ATP2B4: variants seen among roughly 807,000 people sequenced by gnomAD.
ATP2B4 encodes plasma membrane calcium-transporting ATPase 4.
In ATP2B4, 39 loss-of-function variants were observed where a neutral mutation model predicts 110.3. The ratio of observed to expected loss-of-function variants is 0.35; its 90% CI spans 0.27 to 0.46. The LOEUF (loss-of-function observed/expected upper bound fraction) is 0.46, where lower values mean the gene tolerates loss of function less well. Among genes scored for constraint, ATP2B4 ranks in the 20% least tolerant of loss-of-function variants. ATP2B4 has a pLI of 1.00. For synonymous variants in ATP2B4, 538 were observed against 571.7 expected, an observed-to-expected ratio of 0.94 and a Z score of 0.84; for missense variants, 1,135 against 1,530.9, an observed-to-expected ratio of 0.74 and a Z score of 4.32.
chr1:203,701,863 G>A (rs987377805), intron 6 of ATP2B4, among the ~76,000 whole-genome samples, 181 bp from the exon 7 acceptor site: 7 of 152,182 alleles, frequency 4.6e-5, no homozygotes, highest in African/African-American at 1.7e-4. Context: ...GAGGATTCAT[G>A]ACAGCCTCTA....
chr1:203,693,341 G>T (rs1665440448), intron 2 of ATP2B4, among the ~76,000 whole-genome samples: 1 of 152,166 alleles, frequency 6.6e-6, no homozygotes, highest in Non-Finnish European at 1.5e-5. Flanking sequence ...GATTCCCAAG[G>T]CTACTACAGC....
chr1:203,666,696 A>G (rs1664514640), intron 1 of ATP2B4, among the ~76,000 whole-genome samples: 1 of 152,090 alleles, frequency 6.6e-6, no homozygotes, highest in Non-Finnish European at 1.5e-5. Context: ...TTGAACTCTC[A>G]AGACTGTCCA....
At chr1:203,689,373 G>A (rs1221291046) in intron 2 of ATP2B4, among the ~76,000 whole-genome samples, 2 of 152,214 alleles carry the variant, frequency 1.3e-5, no homozygotes, top group Non-Finnish European at 2.9e-5. Context: ...TCCTTTTTAG[G>A]AGGAAGAATG....
chr1:203,702,205 C>T, intron 7 of ATP2B4, 126 bp downstream of exon 7: 2 of 1,256,944 alleles, frequency 1.6e-6, no homozygotes, highest in Non-Finnish European at 2.2e-6. Context: ...GCTCAGATGC[C>T]TCATCCTGAG....
intron 2 of ATP2B4, among the ~76,000 whole-genome samples, chr1:203,690,888 C>T (rs551115202): frequency 3.3e-5 from 5 of 152,302 alleles, no homozygotes; most frequent in African/African-American, 1.2e-4. Context: ...CCCTCTGCCC[C>T]TCCCCATCCC....
At chr1:203,712,200 T>A in intron 13 of ATP2B4, 61 bp downstream of exon 13, 1 of 1,563,518 alleles carries the variant, frequency 6.4e-7, no homozygotes, top group Non-Finnish European at 8.7e-7. Flanking sequence ...GGTTCTAGCA[T>A]AAGGCATCTG....
At chr1:203,668,318 C>T (rs1448545275) in intron 1 of ATP2B4, among the ~76,000 whole-genome samples, 1 of 152,122 alleles carries the variant, frequency 6.6e-6, no homozygotes, top group Non-Finnish European at 1.5e-5. Context: ...TCTGTCTAGT[C>T]TTCTGCCTCC....
intron 13 of ATP2B4, 23 bp from the exon 14 acceptor site, chr1:203,713,142 C>G (rs200938746): frequency 6.2e-7 from 1 of 1,613,500 alleles, no homozygotes. Context: ...TTGACTGATC[C>G]AGGTGTGGTC....
intron 1 of ATP2B4, among the ~76,000 whole-genome samples, chr1:203,653,985 A>ATATATTT (rs1426863910): frequency 8.9e-6 from 1 of 112,442 alleles, no homozygotes; most frequent in African/African-American, 3.9e-5. Flanking sequence ...ATATATATAT[A>ATATATTT]TTTTTTTTTT....
At chr1:203,673,433 A>T (rs1224477641) in intron 1 of ATP2B4, among the ~76,000 whole-genome samples, 1 of 152,224 alleles carries the variant, frequency 6.6e-6, no homozygotes, top group Non-Finnish European at 1.5e-5. Context: ...AACAAGGAAG[A>T]ATAAAACAGG....
chr1:203,713,273 G>C, intron 14 of ATP2B4, 21 bp downstream of exon 14: 1 of 1,613,916 alleles, frequency 6.2e-7, no homozygotes, highest in Non-Finnish European at 8.5e-7. Flanking sequence ...CTTCCAAATA[G>C]GTGCCTGCAA....
rs1351196698 is a variant in ATP2B4, at chr1:203,698,296, T to A, written c.333T>A (p.Ile111=). 1 of 1,614,156 alleles carries A rather than the reference T, an allele frequency of 6.2e-7. No homozygotes were observed. The highest frequency in any genetic ancestry group is 2.2e-5 in the East Asian group (1 of 44,880). ...LQDVTLIILE[I]AAIISLVLSF... ...ATGTCACGCTTATCATCCTGGAGAT[T>A]GCAGCCATCATCTCCCTGGTCCTGT... Residue 111 remains isoleucine, a synonymous_variant, in exon 3 of 21, where the codon ATT becomes ATA. Coordinates refer to ENST00000357681, the MANE Select transcript of ATP2B4 (RefSeq NM_001684.5).
At chr1:203,665,268 A>G (rs1438056507) in intron 1 of ATP2B4, among the ~76,000 whole-genome samples, 1 of 152,252 alleles carries the variant, frequency 6.6e-6, no homozygotes, top group African/African-American at 2.4e-5. Context: ...TGTATGTAGC[A>G]GCTCTGAAAA....
At position 203,721,226 on chromosome 1, in the gene ATP2B4, G is replaced by A; in HGVS notation, c.2628G>A (p.Leu876=). 1.2e-6 allele frequency: 2 copies of A among 1,614,214 alleles called. No homozygotes were observed. Among genetic ancestry groups the A allele is most frequent in the South Asian group, 2.2e-5 (2 of 91,084 alleles). ...CCCCATTGAAAGCTGTGCAGATGTT[G>A]TGGGTTAATCTGATCATGGACACTT... The part of the protein sequence containing the change: ...QDSPLKAVQM[L]WVNLIMDTFA... The change falls in exon 17 of 21, where the codon TTG becomes TTA. Residue 876 remains leucine, a synonymous_variant. Transcript: ENST00000357681.
intron 1 of ATP2B4, among the ~76,000 whole-genome samples, chr1:203,655,775 G>A (rs1279773766): frequency 6.6e-6 from 1 of 152,114 alleles, no homozygotes; most frequent in Non-Finnish European, 1.5e-5. Context: ...CTTTATTGTT[G>A]TCTTATTTGA....
chr1:203,640,338 A>G (rs1663588592), intron 1 of ATP2B4, among the ~76,000 whole-genome samples: 1 of 152,030 alleles, frequency 6.6e-6, no homozygotes, highest in South Asian at 2.1e-4. Context: ...CTTTTTTGAG[A>G]CAGGGTTTCA....
In ATP2B4 at chr1:203,696,769, C is replaced by CTG. The variant is rs373194024; in HGVS notation, c.194-1374_194-1373dup. ...GTGTGGTATGTATGTGGTGCATGTT[C>CTG]TGTGTGTGTGTGTGTCATATATCTG... On this transcript the variant is annotated intron_variant, in intron 2 of 20. Coordinates refer to ENST00000357681, the MANE Select transcript of ATP2B4 (RefSeq NM_001684.5). 7.9e-3 allele frequency among the ~76,000 whole-genome samples: 1,200 copies of CTG among 151,598 alleles called. 17 individuals carry two copies. Among genetic ancestry groups the CTG allele is most frequent in the African/African-American group, 0.026 (1,093 of 41,344 alleles).
chr1:203,638,521 G>A (rs574659684), intron 1 of ATP2B4, among the ~76,000 whole-genome samples: 3 of 152,282 alleles, frequency 2.0e-5, no homozygotes, highest in African/African-American at 7.2e-5. Flanking sequence ...CTTTGGGCTT[G>A]TCACCAGGCT....
At chr1:203,695,143 A>G (rs968360030) in intron 2 of ATP2B4, among the ~76,000 whole-genome samples, 3 of 152,164 alleles carry the variant, frequency 2.0e-5, no homozygotes, top group African/African-American at 7.2e-5. Context: ...TAAGAAGGAA[A>G]GGGCATCTAC....
Sources: gnomAD v4.1 joint callset for allele counts (sites outside exome capture counted in the v4.1 genomes callset) on GRCh38, gnomAD v4.1.1 for gene constraint, MANE v1.5 for transcripts, NCBI Gene and HGNC (gene_info 2026-07-23, HGNC 2026-07-21) for gene names.